Variants in XKR4 observed in about 807,000 individuals in gnomAD.
The protein encoded by XKR4 is XK-related protein 4.
In XKR4, 12 loss-of-function variants were observed where a neutral mutation model predicts 53.9. The observed-to-expected ratio is 0.22, with a 90% CI of 0.14 to 0.36. XKR4 has a LOEUF of 0.36. Among genes scored for constraint, XKR4 ranks in the 10% least tolerant of loss-of-function variants. XKR4 has a pLI of 1.00. For missense variants in XKR4, 799 were observed against 859.5 expected (o/e 0.93, Z 0.88); for synonymous variants, 354 against 362.4 (o/e 0.98, Z 0.26).
chr8:55,449,830 G>A, intron 2 of XKR4: 4 of 1,157,200 alleles, frequency 3.5e-6, no homozygotes, highest in Non-Finnish European at 5.2e-6. Flanking sequence ...TGCCCTCGTA[G>A]GACCTGTTCT....
intron 1 of XKR4, among the ~76,000 whole-genome samples, chr8:55,281,643 A>T (rs563027358): frequency 6.6e-6 from 1 of 152,370 alleles, no homozygotes; most frequent in South Asian, 2.1e-4. Context: ...GTTGTAACTC[A>T]TTCCACATTT....
At chr8:55,419,123 G>A (rs1179881066) in intron 2 of XKR4, among the ~76,000 whole-genome samples, 1 of 152,014 alleles carries the variant, frequency 6.6e-6, no homozygotes, top group African/African-American at 2.4e-5. Flanking sequence ...GGTGGCTCAC[G>A]GCTGTAATCC....
Position 55,102,566 on chromosome 8 carries a change from C to G in XKR4, c.78C>G (p.Asp26Glu). ...DVAFTPLQNSDHSGSVQGLAP... is the reference protein window; with the variant it reads ...DVAFTPLQNSEHSGSVQGLAP... ...CGTTCACCCCGCTGCAGAACTCGGA[C>G]CACTCGGGCTCGGTGCAGGGATTGG... The change falls in exon 1 of 3, where the codon GAC becomes GAG. Residue 26 changes from aspartate (D) to glutamate (E), a missense_variant. Asp to Glu is a conservative substitution (Grantham distance 45, BLOSUM62 2). Around this residue, in one of 3 missense-constraint regions of XKR4, gnomAD observed 476 missense variants for 505.4 expected, o/e 0.94. Transcript: ENST00000327381. The surrounding 1 kb of genome is among the most constrained non-coding windows in gnomAD (Gnocchi z 5.1). The G allele has an allele frequency of 6.4e-7, 1 of 1,554,166 alleles. No individual in the cohort carries two copies. The highest frequency in any genetic ancestry group is 8.7e-7 in the Non-Finnish European group (1 of 1,148,122).
chr8:55,304,711 A>T (rs61661285), intron 1 of XKR4, among the ~76,000 whole-genome samples: 18,320 of 152,078 alleles, frequency 0.12, 1,791 homozygotes, highest in African/African-American at 0.26. Flanking sequence ...TTTAGGATAG[A>T]TAGCTCTTCT....
chr8:55,337,625 G>T (rs942420250), intron 1 of XKR4, among the ~76,000 whole-genome samples: 4 of 152,144 alleles, frequency 2.6e-5, no homozygotes, highest in African/African-American at 9.7e-5. Context: ...GAACGACAAA[G>T]GGAAACGATG....
rs13248964 is a variant in XKR4 at position 55,207,187 on chromosome 8, C to A, written c.806+103893C>A. 3.3e-5 allele frequency among the ~76,000 whole-genome samples: 5 copies of A among 152,182 alleles called. No individual in the cohort carries two copies. The South Asian group carries it at 1.0e-3, about 32-fold the overall frequency. Reference sequence around the variant, plus strand: ...CACTGGTAAGGACTGTACTTCTTTGCAGCTTCCAAGCTAGCTAGCTGGAAT... The same window carrying A: ...CACTGGTAAGGACTGTACTTCTTTGAAGCTTCCAAGCTAGCTAGCTGGAAT... On this transcript the variant is annotated intron_variant, in intron 1 of 2. Coordinates refer to ENST00000327381, the MANE Select transcript of XKR4 (RefSeq NM_052898.2).
At chr8:55,225,644 C>A (rs1305626316) in intron 1 of XKR4, among the ~76,000 whole-genome samples, 2 of 152,206 alleles carry the variant, frequency 1.3e-5, no homozygotes, top group Non-Finnish European at 2.9e-5. Context: ...AGATGCAGAA[C>A]TATGCATGAA....
intron 2 of XKR4, among the ~76,000 whole-genome samples, chr8:55,435,595 G>A (rs1448388420): frequency 6.9e-6 from 1 of 145,696 alleles, no homozygotes; most frequent in African/African-American, 2.5e-5. Context: ...TTTGAGATGT[G>A]GTCTTGCTCT....
chr8:55,127,535 G>A (rs892645508), intron 1 of XKR4, among the ~76,000 whole-genome samples: 2 of 148,892 alleles, frequency 1.3e-5, no homozygotes, highest in African/African-American at 2.5e-5. Flanking sequence ...TTACAGGCGT[G>A]AGCCACCATG....
chr8:55,499,774 C>A (rs894267712), intron 2 of XKR4, among the ~76,000 whole-genome samples: 11 of 152,148 alleles, frequency 7.2e-5, no homozygotes, highest in African/African-American at 2.7e-4. Flanking sequence ...GGCTGAATAT[C>A]CAGCTGTTGC....
intron 1 of XKR4, among the ~76,000 whole-genome samples, chr8:55,259,621 C>T (rs931414828): frequency 2.0e-5 from 3 of 152,124 alleles, no homozygotes; most frequent in African/African-American, 7.2e-5. Context: ...GGGTGAAGCA[C>T]ATTCCTGGAG....
rs973027094 is a variant in XKR4 at position 55,403,505 on chromosome 8, G to A, written c.1006+45628G>A. ...ACTTACCTTTAGAAAAATATCACCCGAATGCAGACAACCATTAGCCTTTTG... is the reference window on the plus strand; with the variant it reads ...ACTTACCTTTAGAAAAATATCACCCAAATGCAGACAACCATTAGCCTTTTG... On this transcript the variant is annotated intron_variant, in intron 2 of 2. Coordinates refer to ENST00000327381, the MANE Select transcript of XKR4 (RefSeq NM_052898.2). 3.3e-5 allele frequency among the ~76,000 whole-genome samples: 5 copies of A among 152,320 alleles called. No individual in the cohort carries two copies. In the East Asian group the frequency reaches 5.8e-4, roughly 18 times the overall value.
chr8:55,286,987 T>C (rs1818915651), intron 1 of XKR4, among the ~76,000 whole-genome samples: 1 of 152,100 alleles, frequency 6.6e-6, no homozygotes, highest in Admixed American at 6.5e-5. Context: ...ACCTGTAAAA[T>C]GTGAAAATTA....
At chr8:55,289,851 GGAAAGAAAGAAAGAAAGAAAGAAA>G (rs541321670) in intron 1 of XKR4, among the ~76,000 whole-genome samples, 19,683 of 135,518 alleles carry the variant, frequency 0.15, 1,667 homozygotes, top group Non-Finnish European at 0.19. Flanking sequence ...AAAGAAAGAA[GGAAAGAAAGAAAGAAAGAAAGAAA>G]GAAAGAAAGA....
intron 2 of XKR4, among the ~76,000 whole-genome samples, chr8:55,361,776 T>C (rs1803913000): frequency 6.6e-6 from 1 of 152,254 alleles, no homozygotes; most frequent in Middle Eastern, 3.4e-3. Flanking sequence ...CTCCTCTCTG[T>C]TCTGAAAATG....
intron 1 of XKR4, among the ~76,000 whole-genome samples, chr8:55,348,215 A>G (rs1405535184): frequency 6.6e-6 from 1 of 152,200 alleles, no homozygotes; most frequent in Non-Finnish European, 1.5e-5. Flanking sequence ...AAGACGTTAA[A>G]TCACCTCAGT....
chr8:55,505,257 T>C (rs1282608979), intron 2 of XKR4, among the ~76,000 whole-genome samples: 14 of 152,230 alleles, frequency 9.2e-5, no homozygotes, highest in Admixed American at 6.5e-5. Context: ...TTTTGCTGCG[T>C]TGTTTTTTCA....
chr8:55,313,927 G>A (rs1819422521), intron 1 of XKR4, among the ~76,000 whole-genome samples: 1 of 152,150 alleles, frequency 6.6e-6, no homozygotes, highest in Non-Finnish European at 1.5e-5. Context: ...TTAAACCCTG[G>A]ACACCCACAG....
intron 2 of XKR4, among the ~76,000 whole-genome samples, chr8:55,381,207 T>C (rs1310565752): frequency 6.6e-6 from 1 of 152,200 alleles, no homozygotes; most frequent in Non-Finnish European, 1.5e-5. Flanking sequence ...GTATTTCAGA[T>C]CTTAGCTTTT....
Sources: allele counts gnomAD v4.1 joint callset (sites outside exome capture counted in the v4.1 genomes callset), GRCh38; gene constraint gnomAD v4.1.1; regional missense constraint gnomAD v4.1.1; non-coding constraint Gnocchi (gnomAD v3.1); transcripts MANE v1.5; gene names NCBI Gene and HGNC (gene_info 2026-07-23, HGNC 2026-07-21).